The following GALNT17 variants were observed in gnomAD, a reference collection of about 807,000 sequenced individuals.
GALNT17 encodes the protein UDP-GalNAc:polypeptide N-acetylgalactosaminyltransferase-like 3.
A neutral mutation model predicts 63.7 loss-of-function variants in GALNT17; 29 were observed. The ratio of observed to expected loss-of-function variants is 0.46; its 90% CI spans 0.34 to 0.62. GALNT17 has a LOEUF of 0.62. Ranked by LOEUF, GALNT17 falls within the 20% of genes least tolerant of loss-of-function variation. The pLI, the probability that GALNT17 is intolerant of heterozygous loss-of-function variation, is 0.01. For missense variants in GALNT17, 603 were observed against 799.6 expected (o/e 0.75, Z 2.97); for synonymous variants, 305 against 318.3 (o/e 0.96, Z 0.45).
At chr7:71,428,886 C>T (rs921263905) in intron 5 of GALNT17, among the ~76,000 whole-genome samples, 7 of 152,208 alleles carry the variant, frequency 4.6e-5, no homozygotes, top group Admixed American at 6.5e-5. Flanking sequence ...CGTTCCCTTT[C>T]GTAAGTGTGA....
chr7:71,262,802 C>A (rs1361667995), intron 1 of GALNT17, among the ~76,000 whole-genome samples: 16 of 150,902 alleles, frequency 1.1e-4, no homozygotes. Context: ...CACCTGAGCT[C>A]CCCAAGTAGC....
In GALNT17 at chr7:71,388,257, A is replaced by G. The variant is rs1195573482; in HGVS notation, c.445A>G (p.Lys149Glu). Residue 149 changes from lysine (K) to glutamate (E), a missense_variant, in exon 3 of 11, where the codon AAG becomes GAG. By Grantham distance (56) the Lys-to-Glu change is moderately conservative. Coordinates refer to ENST00000333538, the MANE Select transcript of GALNT17 (RefSeq NM_022479.3). ...PTKCKELKYSKDLPQISIIFI... is the reference protein window; with the variant it reads ...PTKCKELKYSEDLPQISIIFI... ...CAGGTGTAAGGAGCTCAAGTACTCC[A>G]AGGACCTGCCCCAGATATCCATCAT... 4 of 1,613,752 alleles carry G rather than the reference A, an allele frequency of 2.5e-6. No homozygotes were observed. The African/African-American group carries it at 5.3e-5, about 22-fold the overall frequency.
At chr7:71,139,615 C>A (rs955395848) in intron 1 of GALNT17, among the ~76,000 whole-genome samples, 9 of 152,098 alleles carry the variant, frequency 5.9e-5, no homozygotes, top group Non-Finnish European at 7.3e-5. Context: ...ACCCACCCAA[C>A]AGAACTCCCT....
chr7:71,599,502 G>A (rs1789934369), intron 6 of GALNT17, among the ~76,000 whole-genome samples: 1 of 152,006 alleles, frequency 6.6e-6, no homozygotes, highest in South Asian at 2.1e-4. Flanking sequence ...ATCATTCTGT[G>A]TCCTCTTAAA....
At chr7:71,603,022 A>G (rs1453175313) in intron 6 of GALNT17, among the ~76,000 whole-genome samples, 4 of 152,168 alleles carry the variant, frequency 2.6e-5, no homozygotes, top group Non-Finnish European at 5.9e-5. Flanking sequence ...TACTGTGCTA[A>G]GTGCATATAC....
chr7:71,530,451 C>G (rs1788698842), intron 5 of GALNT17, among the ~76,000 whole-genome samples: 1 of 152,148 alleles, frequency 6.6e-6, no homozygotes, highest in Non-Finnish European at 1.5e-5. Context: ...AGTCTAGGAA[C>G]ACCTACATCA....
Position 71,514,611 on chromosome 7 carries a change from G to A in GALNT17, c.963-56674G>A, listed in dbSNP as rs553487422. On this transcript the variant is annotated intron_variant, in intron 5 of 10. Transcript: ENST00000333538. ...AACGGGCCCCAGGACCTCCATGCCT[G>A]TCTAGCCTGTCACTGGAAATCTAGT... Among the ~76,000 whole-genome samples, 38 of 152,268 alleles carry A rather than the reference G, an allele frequency of 2.5e-4. No homozygotes were observed. The South Asian group carries it at 3.9e-3, about 16-fold the overall frequency.
intron 2 of GALNT17, among the ~76,000 whole-genome samples, chr7:71,386,853 G>T (rs900682583): frequency 6.6e-6 from 1 of 152,122 alleles, no homozygotes; most frequent in African/African-American, 2.4e-5. Flanking sequence ...GATTATTGGC[G>T]TGGGTGTTTT....
At chr7:71,242,272 CTT>C (rs745542157) in intron 1 of GALNT17, among the ~76,000 whole-genome samples, 3 of 85,996 alleles carry the variant, frequency 3.5e-5, no homozygotes, top group Non-Finnish European at 4.9e-5. Context: ...TTTTCTTTTT[CTT>C]TTTTTTTTTT....
intron 2 of GALNT17, among the ~76,000 whole-genome samples, chr7:71,362,634 A>T (rs1184668241): frequency 6.6e-6 from 1 of 152,140 alleles, no homozygotes; most frequent in African/African-American, 2.4e-5. Context: ...TCAGATGAAG[A>T]CTTGCTGTTG....
At chr7:71,308,541 CTT>C (rs1490754788) in intron 1 of GALNT17, among the ~76,000 whole-genome samples, 1 of 152,088 alleles carries the variant, frequency 6.6e-6, no homozygotes, top group African/African-American at 2.4e-5. Context: ...AGCATCCTCT[CTT>C]TGTTAGGCTC....
intron 1 of GALNT17, among the ~76,000 whole-genome samples, chr7:71,201,239 T>TATATCTATATATATATATATATATATA (rs1554338078): frequency 9.8e-6 from 1 of 101,564 alleles, no homozygotes; most frequent in African/African-American, 3.8e-5. Context: ...GTGTGTTTAT[T>TATATCTATATATATATATATATATATA]TTTATATATA....
chr7:71,236,388 C>G (rs1234492547), intron 1 of GALNT17, among the ~76,000 whole-genome samples: 1 of 152,096 alleles, frequency 6.6e-6, no homozygotes, highest in Non-Finnish European at 1.5e-5. Context: ...GTCAAGGCCA[C>G]TGGCTGTAGG....
chr7:71,301,927 CTT>C (rs1196836496), intron 1 of GALNT17, among the ~76,000 whole-genome samples: 1 of 152,038 alleles, frequency 6.6e-6, no homozygotes, highest in Non-Finnish European at 1.5e-5. Context: ...CTTTGAAAGA[CTT>C]TGAGAAAATA....
At chr7:71,699,726 G>A (rs1584146865) in intron 9 of GALNT17, among the ~76,000 whole-genome samples, 1 of 152,050 alleles carries the variant, frequency 6.6e-6, no homozygotes, top group East Asian at 1.9e-4. Context: ...TTGAGCCTAG[G>A]AGTTTGAGGC....
At chr7:71,451,425 G>T (rs1211444982) in intron 5 of GALNT17, among the ~76,000 whole-genome samples, 1 of 152,000 alleles carries the variant, frequency 6.6e-6, no homozygotes, top group African/African-American at 2.4e-5. Context: ...ATATGTTTTT[G>T]GTAAGAGTTC....
At chr7:71,273,497 G>T (rs1248097714) in intron 1 of GALNT17, among the ~76,000 whole-genome samples, 2 of 152,174 alleles carry the variant, frequency 1.3e-5, no homozygotes, top group Admixed American at 6.5e-5. Flanking sequence ...TTGTCTGTCT[G>T]GAGATTTGAG....
intron 1 of GALNT17, among the ~76,000 whole-genome samples, chr7:71,155,832 CT>C (rs1788225423): frequency 6.6e-6 from 1 of 151,802 alleles, no homozygotes; most frequent in African/African-American, 2.4e-5. Flanking sequence ...GGTGGCTTGT[CT>C]GAATTATGGC....
rs200165325 is a variant in GALNT17 at position 71,677,330 on chromosome 7, A to G, written c.1500+24A>G. Reference sequence around the variant, plus strand: ...AGGTAGGAGCTCGTCTCTGACCAGGAAGGAAGTAATATCACCATCTCCGAC... The same window carrying G: ...AGGTAGGAGCTCGTCTCTGACCAGGGAGGAAGTAATATCACCATCTCCGAC... On this transcript the variant is annotated intron_variant, in intron 9 of 10. Transcript: ENST00000333538. The G allele has an allele frequency of 1.2e-5, 19 of 1,608,030 alleles. No homozygotes were observed. In the South Asian group the frequency reaches 1.9e-4, roughly 16 times the overall value.
Sources: allele counts gnomAD v4.1 joint callset (sites outside exome capture counted in the v4.1 genomes callset), GRCh38; gene constraint gnomAD v4.1.1; transcripts MANE v1.5; gene names NCBI Gene and HGNC (gene_info 2026-07-23, HGNC 2026-07-21).